The following MACROH2A2 variants were observed in gnomAD, a reference collection of about 807,000 sequenced individuals.
MACROH2A2 encodes core histone macro-H2A.2.
In MACROH2A2, 6 loss-of-function variants were observed where a neutral mutation model predicts 37.6. The observed-to-expected ratio is 0.16, with a 90% CI of 0.09 to 0.32. The LOEUF is 0.32. Ranked by LOEUF, MACROH2A2 falls within the 10% of genes least tolerant of loss-of-function variation. The pLI is 1.00. For missense variants in MACROH2A2, 290 were observed against 485.9 expected (o/e 0.60, Z 3.79); for synonymous variants, 192 against 202.7 (o/e 0.95, Z 0.45).
chr10:70,077,454 G>T (rs1294869507), intron 2 of MACROH2A2, among the ~76,000 whole-genome samples: 1 of 151,990 alleles, frequency 6.6e-6, no homozygotes, highest in Non-Finnish European at 1.5e-5. Context: ...GGGATTACAG[G>T]CCGGTAATCC....
chr10:70,088,631 GT>G (rs1389157925), intron 2 of MACROH2A2, among the ~76,000 whole-genome samples: 2 of 152,234 alleles, frequency 1.3e-5, no homozygotes, highest in African/African-American at 4.8e-5. Flanking sequence ...CCATGCTAAA[GT>G]TTTGGGAAGT....
At position 70,093,831 on chromosome 10, in the gene MACROH2A2, G is replaced by C. The variant is rs764579018; in HGVS notation, c.574G>C (p.Val192Leu). 6.3e-7 allele frequency: 1 copy of C among 1,582,020 alleles called. No individual in the cohort carries two copies. Reference sequence around the variant, plus strand: ...CACCATTCTGTCTTCTAAGAGCCTTGTTCTGGGACAGAAGGTAACAAAGAG... The same window carrying C: ...CACCATTCTGTCTTCTAAGAGCCTTCTTCTGGGACAGAAGGTAACAAAGAG... ...GFTILSSKSL[V>L]LGQKLSLTQS... Residue 192 changes from valine to leucine, a missense_variant, in exon 5 of 9, where the codon GTT becomes CTT. By Grantham distance (32) the Val-to-Leu change is conservative (BLOSUM62 1). Around this residue, in one of 3 missense-constraint regions of MACROH2A2, gnomAD observed 130 missense variants for 257.1 expected, o/e 0.51. Transcript: ENST00000373255.
intron 1 of MACROH2A2, among the ~76,000 whole-genome samples, chr10:70,054,313 C>T (rs1182041103): frequency 1.3e-5 from 2 of 152,130 alleles, no homozygotes; most frequent in African/African-American, 4.8e-5. Flanking sequence ...CGATGGGAAC[C>T]GTGGCTCCGC....
At chr10:70,086,199 T>C (rs2072210148) in intron 2 of MACROH2A2, among the ~76,000 whole-genome samples, 1 of 151,482 alleles carries the variant, frequency 6.6e-6, no homozygotes, top group Non-Finnish European at 1.5e-5. Context: ...AATGGTGAAG[T>C]CCATGTCTCA....
chr10:70,089,909 GTTCTCT>G, intron 2 of MACROH2A2, 145 bp from the exon 3 acceptor site: 1 of 668,390 alleles, frequency 1.5e-6, no homozygotes. Context: ...ACTAACTTGA[GTTCTCT>G]TACGCTTCCT....
rs941858719 is a variant in MACROH2A2, at chr10:70,053,689, G to C, written c.-60+689G>C. Among the ~76,000 whole-genome samples, 5 of 151,432 alleles carry C rather than the reference G, an allele frequency of 3.3e-5. No individual in the cohort carries two copies. Among genetic ancestry groups the C allele is most frequent in the African/African-American group, 1.2e-4 (5 of 41,334 alleles). ...CGTGCGCCCCGGGGCCGGCGCGGAA[G>C]AGGGCGCGAGGCCGGGCACTCCCCT... On this transcript the variant is annotated intron_variant, in intron 1 of 8. Coordinates refer to ENST00000373255, the MANE Select transcript of MACROH2A2 (RefSeq NM_018649.3). The surrounding 1 kb of genome is among the most constrained non-coding windows in gnomAD (Gnocchi z 4.8).
chr10:70,106,802 C>CAAAAAA (rs56986649), intron 7 of MACROH2A2, among the ~76,000 whole-genome samples: 1 of 65,400 alleles, frequency 1.5e-5, no homozygotes, highest in African/African-American at 5.7e-5. Flanking sequence ...CATCCTGTCT[C>CAAAAAA]AAAAAAAAAA....
rs935378129 is a variant in MACROH2A2 at position 70,076,623 on chromosome 10, T to C, written c.172+793T>C. Among the ~76,000 whole-genome samples, 4 of 152,138 alleles carry C rather than the reference T, an allele frequency of 2.6e-5. No individual in the cohort carries two copies. In the East Asian group the frequency reaches 7.7e-4, roughly 29 times the overall value. ...ACAATAAGTATGATTTAGTCCCTTG[T>C]TGGGTAATAGCCACGAGCAACAATG... On this transcript the variant is annotated intron_variant, in intron 2 of 8. Coordinates refer to ENST00000373255, the MANE Select transcript of MACROH2A2 (RefSeq NM_018649.3).
At chr10:70,064,233 G>A (rs1274278992) in intron 1 of MACROH2A2, among the ~76,000 whole-genome samples, 1 of 152,112 alleles carries the variant, frequency 6.6e-6, no homozygotes, top group Non-Finnish European at 1.5e-5. Context: ...GCCAGGTGTG[G>A]TGGAAGGCTC....
At chr10:70,082,927 A>T (rs888203370) in intron 2 of MACROH2A2, among the ~76,000 whole-genome samples, 1 of 151,966 alleles carries the variant, frequency 6.6e-6, no homozygotes, top group Non-Finnish European at 1.5e-5. Context: ...ACTTAATGCC[A>T]TTGAATTGTA....
At chr10:70,084,203 A>G (rs1001582000) in intron 2 of MACROH2A2, among the ~76,000 whole-genome samples, 4 of 152,072 alleles carry the variant, frequency 2.6e-5, no homozygotes, top group African/African-American at 4.8e-5. Flanking sequence ...AATGATCCTT[A>G]TTTATTGCAT....
intron 8 of MACROH2A2, 37 bp from the exon 9 acceptor site, chr10:70,111,481 C>A: frequency 1.3e-6 from 2 of 1,598,436 alleles, no homozygotes; most frequent in African/African-American, 1.3e-5. Flanking sequence ...GTCCCAGGGA[C>A]CAAAATGACA....
At chr10:70,057,040 A>G (rs2072022394) in intron 1 of MACROH2A2, among the ~76,000 whole-genome samples, 2 of 152,292 alleles carry the variant, frequency 1.3e-5, no homozygotes, top group Admixed American at 6.5e-5. Context: ...GGAGGGAAAG[A>G]TAAGTGTTTG....
At chr10:70,100,580 C>T (rs899747787) in intron 7 of MACROH2A2, among the ~76,000 whole-genome samples, 1 of 151,726 alleles carries the variant, frequency 6.6e-6, no homozygotes, top group African/African-American at 2.4e-5. Context: ...ATAAAATACA[C>T]ACACCATAGG....
chr10:70,073,852 C>T (rs1423010349), intron 1 of MACROH2A2, among the ~76,000 whole-genome samples: 1 of 152,100 alleles, frequency 6.6e-6, no homozygotes, highest in African/African-American at 2.4e-5. Flanking sequence ...CTTTCTTGGG[C>T]CCTCCTTTCC....
chr10:70,083,242 A>G (rs1326528973), intron 2 of MACROH2A2, among the ~76,000 whole-genome samples: 3 of 152,170 alleles, frequency 2.0e-5, no homozygotes, highest in Admixed American at 2.0e-4. Flanking sequence ...CAGACACTGC[A>G]GTATGCCCCT....
chr10:70,061,661 G>C (rs1042809004), intron 1 of MACROH2A2, among the ~76,000 whole-genome samples: 31 of 151,896 alleles, frequency 2.0e-4, no homozygotes, highest in Admixed American at 2.0e-3. Flanking sequence ...GAATGACAAA[G>C]AATGTGCCGG....
Position 70,111,826 on chromosome 10 carries a change from C to T in MACROH2A2, c.*143C>T. 1.8e-6 allele frequency: 1 copy of T among 549,634 alleles called. No homozygotes were observed. Among genetic ancestry groups the T allele is most frequent in the Non-Finnish European group, 3.0e-6 (1 of 334,716 alleles). 34.0% of individuals were successfully genotyped at this position (549,634 alleles called of 1,614,324 possible). ...CTGCCGGCGCAGGGAGCCCTCTGCCCTTCACACTCTCCTCCAAAAGAGCCT... is the reference window on the plus strand; with the variant it reads ...CTGCCGGCGCAGGGAGCCCTCTGCCTTTCACACTCTCCTCCAAAAGAGCCT... On this transcript the variant is annotated 3_prime_UTR_variant, in exon 9 of 9. Transcript: ENST00000373255.
chr10:70,053,416 G>C lies in MACROH2A2; in HGVS notation c.-60+416G>C, dbSNP rs911204220. On this transcript the variant is annotated intron_variant, in intron 1 of 8. Transcript: ENST00000373255. This position sits in a 1 kb window ranked among gnomAD's most constrained non-coding sequence, Gnocchi z 4.8. ...AGGCGCCCGGCCGCCGATGGGCACGGGGCGATGGGTGGGGGGCTGCGCAGG... is the reference window on the plus strand; with the variant it reads ...AGGCGCCCGGCCGCCGATGGGCACGCGGCGATGGGTGGGGGGCTGCGCAGG... 6.6e-5 allele frequency among the ~76,000 whole-genome samples: 10 copies of C among 152,016 alleles called. No individual in the cohort carries two copies. Among genetic ancestry groups the C allele is most frequent in the African/African-American group, 2.2e-4 (9 of 41,422 alleles).
Sources: allele counts gnomAD v4.1 joint callset (sites outside exome capture counted in the v4.1 genomes callset), GRCh38; gene constraint gnomAD v4.1.1; regional missense constraint gnomAD v4.1.1; non-coding constraint Gnocchi (gnomAD v3.1); transcripts MANE v1.5; gene names NCBI Gene and HGNC (gene_info 2026-07-23, HGNC 2026-07-21).